Variants in CDC45 observed in about 807,000 individuals in gnomAD.
CDC45 encodes cell division cycle 45, also known as cell division control protein 45 homolog.
Under a neutral mutation model 77.8 loss-of-function variants are expected in CDC45, and 54 were observed. The observed-to-expected ratio is 0.69, with a 90% CI of 0.56 to 0.87. CDC45 has a LOEUF of 0.87. Among genes scored for constraint, CDC45 ranks in the 40% least tolerant of loss-of-function variants. The probability of loss-of-function intolerance (pLI) is 0.00; values close to 1 mark genes in which losing one functional copy is unlikely to be tolerated. For synonymous variants in CDC45, 260 were observed against 272.1 expected (o/e 0.96, Z 0.44); for missense variants, 649 against 721.6 (o/e 0.90, Z 1.15).
Position 19,507,266 on chromosome 22 carries a change from G to A in CDC45, c.825-120G>A, listed in dbSNP as rs1034269317. On this transcript the variant is annotated intron_variant, in intron 10 of 18. Transcript: ENST00000263201. ...GCTCCAGGTCACTCTTGGGATACCTGGTTTTGCAGGCAGGCCTGGTGAGAA... is the reference window on the plus strand; with the variant it reads ...GCTCCAGGTCACTCTTGGGATACCTAGTTTTGCAGGCAGGCCTGGTGAGAA... 9 of 1,238,858 alleles carry A rather than the reference G, an allele frequency of 7.3e-6. No homozygotes were observed. The African/African-American group carries it at 1.3e-4, about 18-fold the overall frequency. 76.7% of individuals were successfully genotyped at this position (1,238,858 alleles called of 1,614,324 possible).
intron 8 of CDC45, among the ~76,000 whole-genome samples, chr22:19,497,656 C>T (rs1340109915): frequency 6.6e-6 from 1 of 152,122 alleles, no homozygotes. Context: ...CTTGGAGTGT[C>T]GGAGAATGCA....
At chr22:19,518,714 A>G in intron 17 of CDC45, 130 bp from the exon 18 acceptor site, 1 of 728,524 alleles carries the variant, frequency 1.4e-6, no homozygotes, top group Non-Finnish European at 2.5e-6. Flanking sequence ...CTGAGTGCAG[A>G]ATACCACAGG....
chr22:19,515,524 G>A (rs1933737536), intron 15 of CDC45, among the ~76,000 whole-genome samples: 1 of 152,214 alleles, frequency 6.6e-6, no homozygotes, highest in South Asian at 2.1e-4. Flanking sequence ...GCTCCTCCCA[G>A]ATGTGACATG....
intron 13 of CDC45, among the ~76,000 whole-genome samples, chr22:19,514,032 T>C (rs1238348543): frequency 6.6e-6 from 1 of 152,242 alleles, no homozygotes; most frequent in African/African-American, 2.4e-5. Context: ...CTGTTCTTGG[T>C]TTAGGAATGT....
chr22:19,486,016 T>A (rs917513430), intron 5 of CDC45, among the ~76,000 whole-genome samples: 1 of 152,270 alleles, frequency 6.6e-6, no homozygotes, highest in Non-Finnish European at 1.5e-5. Context: ...ATATTCTTTT[T>A]TATTTTTTAT....
chr22:19,501,718 C>G (rs113099954), intron 9 of CDC45, among the ~76,000 whole-genome samples: 1,654 of 152,184 alleles, frequency 0.011, 11 homozygotes, highest in Non-Finnish European at 0.016. Context: ...TTATTGTTAA[C>G]CTTTTTCTTT....
At chr22:19,506,271 G>A (rs9617799) in intron 10 of CDC45, among the ~76,000 whole-genome samples, 5,577 of 152,224 alleles carry the variant, frequency 0.037, 357 homozygotes, top group African/African-American at 0.13. Context: ...CCTGGGGAGC[G>A]GGGTGGAGCT....
intron 13 of CDC45, among the ~76,000 whole-genome samples, chr22:19,509,518 G>T (rs1933398332): frequency 6.6e-6 from 1 of 152,218 alleles, no homozygotes; most frequent in Non-Finnish European, 1.5e-5. Flanking sequence ...GCAAGCAGGA[G>T]CTCTCCTTGG....
At chr22:19,497,317 T>C in intron 7 of CDC45, 69 bp from the exon 8 acceptor site, 1 of 1,454,708 alleles carries the variant, frequency 6.9e-7, no homozygotes, top group Admixed American at 1.7e-5. Context: ...TCAAGTCCAG[T>C]CTGGCTGCAT....
upstream of CDC45, chr22:19,479,611 TC>T (rs994237408): frequency 3.2e-6 from 2 of 623,012 alleles, no homozygotes; most frequent in African/African-American, 3.6e-5. Flanking sequence ...AAGTATACTT[TC>T]CCTGAGGGTT....
Position 19,508,896 on chromosome 22 carries a change from C to G in CDC45, c.1217+205C>G, listed in dbSNP as rs1933360943. 2.0e-5 allele frequency among the ~76,000 whole-genome samples: 3 copies of G among 152,114 alleles called. 1 individual carries two copies. In the South Asian group the frequency reaches 6.2e-4, roughly 31 times the overall value. ...CAGTATTTGTCACTTTCTCTTGAAT[C>G]TTTTTTGGCTTTTTTTTCTTTTTGA... On this transcript the variant is annotated intron_variant, in intron 13 of 18. Coordinates refer to ENST00000263201, the MANE Select transcript of CDC45 (RefSeq NM_003504.5).
chr22:19,483,834 G>A (rs1306399179), intron 4 of CDC45, 28 bp from the exon 5 acceptor site: 1 of 1,602,806 alleles, frequency 6.2e-7, no homozygotes, highest in South Asian at 1.1e-5. Flanking sequence ...AAGAGGAGAG[G>A]CTTAATTCCT....
Position 19,483,908 on chromosome 22 carries a change from A to G in CDC45, c.389A>G (p.Tyr130Cys). 6.2e-7 allele frequency: 1 copy of G among 1,613,598 alleles called. No individual in the cohort carries two copies. Among genetic ancestry groups the G allele is most frequent in the South Asian group, 1.1e-5 (1 of 90,936 alleles). ...GATGATGACCTTGAAGTTCCCGCCTATGAAGACATCTTCAGGGATGAAGAG... is the reference window on the plus strand; with the variant it reads ...GATGATGACCTTGAAGTTCCCGCCTGTGAAGACATCTTCAGGGATGAAGAG... ...KQDDDLEVPA[Y>C]EDIFRDEEED... The change falls in exon 5 of 19, where the codon TAT becomes TGT. Residue 130 changes from tyrosine to cysteine, a missense_variant. Transcript: ENST00000263201.
At chr22:19,494,678 T>A in intron 6 of CDC45, 2 of 975,672 alleles carry the variant, frequency 2.0e-6, no homozygotes, top group South Asian at 2.8e-5. Flanking sequence ...ATACTTTGAT[T>A]TACAAATTAT....
chr22:19,494,331 T>C lies in CDC45; in HGVS notation c.491T>C (p.Ile164Thr). The C allele has an allele frequency of 6.2e-7, 1 of 1,612,548 alleles. No individual in the cohort carries two copies. Among genetic ancestry groups the C allele is most frequent in the Non-Finnish European group, 8.5e-7 (1 of 1,179,852 alleles). Residue 164 changes from isoleucine (I) to threonine (T), a missense_variant, in exon 6 of 19, where the codon ATA becomes ACA. By Grantham distance (89) the Ile-to-Thr change is moderately conservative. Coordinates refer to ENST00000263201, the MANE Select transcript of CDC45 (RefSeq NM_003504.5). ...TTCTCTTTGTCCCTGTATCAGGAGA[T>C]AGTGGAGCAAACCATGCGGAGGAGG... is the stretch of plus-strand genomic sequence containing the variant. Reference protein sequence around the residue: ...SEKRTRLEEEIVEQTMRRRQR... With the variant: ...SEKRTRLEEETVEQTMRRRQR...
intron 17 of CDC45, among the ~76,000 whole-genome samples, chr22:19,517,197 C>G (rs949519085): frequency 6.6e-6 from 1 of 152,264 alleles, no homozygotes; most frequent in Non-Finnish European, 1.5e-5. Flanking sequence ...CACCAGGGCC[C>G]GTGTGCCCCG....
intron 18 of CDC45, among the ~76,000 whole-genome samples, chr22:19,519,835 C>T (rs914826749): frequency 1.3e-5 from 2 of 151,686 alleles, no homozygotes; most frequent in African/African-American, 4.8e-5. Context: ...GCCTGGGCTA[C>T]ATGGGGCCCA....
In CDC45 at chr22:19,494,314, G is replaced by T. The variant is rs2090203218; in HGVS notation, c.487-13G>T. 1 of 1,611,846 alleles carries T rather than the reference G, an allele frequency of 6.2e-7. No homozygotes were observed. Among genetic ancestry groups the T allele is most frequent in the African/African-American group, 1.3e-5 (1 of 74,958 alleles). ...ATTTGCTCCACCTTTTGTTCTCTTTGTCCCTGTATCAGGAGATAGTGGAGC... is the reference window on the plus strand; with the variant it reads ...ATTTGCTCCACCTTTTGTTCTCTTTTTCCCTGTATCAGGAGATAGTGGAGC... On this transcript the variant is annotated splice_polypyrimidine_tract_variant and intron_variant, in intron 5 of 18. Transcript: ENST00000263201.
At chr22:19,519,653 G>T (rs1166215751) in intron 18 of CDC45, among the ~76,000 whole-genome samples, 1 of 152,260 alleles carries the variant, frequency 6.6e-6, no homozygotes, top group Non-Finnish European at 1.5e-5. Context: ...TGTTGCAGGA[G>T]GTCCCTCAGG....
Sources: allele counts gnomAD v4.1 joint callset (sites outside exome capture counted in the v4.1 genomes callset), GRCh38; gene constraint gnomAD v4.1.1; transcripts MANE v1.5; gene names NCBI Gene and HGNC (gene_info 2026-07-23, HGNC 2026-07-21).